Variants in AUTS2 observed in about 807,000 individuals in gnomAD.
AUTS2 encodes autism susceptibility gene 2 protein.
A neutral mutation model predicts 112.4 loss-of-function variants in AUTS2; 17 were observed. The observed-to-expected ratio is 0.15, with a 90% CI of 0.10 to 0.23. The LOEUF (loss-of-function observed/expected upper bound fraction) is 0.23, where lower values mean the gene tolerates loss of function less well. Ranked by LOEUF, AUTS2 falls within the 10% of genes least tolerant of loss-of-function variation. AUTS2 has a pLI of 1.00. For synonymous variants in AUTS2, 751 were observed against 702.7 expected (o/e 1.07, Z -1.09); for missense variants, 1,510 against 1,701.6 (o/e 0.89, Z 1.98).
intron 2 of AUTS2, among the ~76,000 whole-genome samples, chr7:70,051,278 G>C (rs944082211): frequency 6.6e-6 from 1 of 152,140 alleles, no homozygotes; most frequent in East Asian, 1.9e-4. Context: ...CTTTTTGAGT[G>C]CGTTTGTCTC....
intron 5 of AUTS2, among the ~76,000 whole-genome samples, chr7:70,608,679 A>G (rs1465221234): frequency 6.6e-6 from 1 of 152,002 alleles, no homozygotes; most frequent in Admixed American, 6.6e-5. Context: ...GGGATTGGGA[A>G]CCTCTGGCAT....
chr7:70,117,104 G>GTTTTGTTTTTT (rs1562710088), intron 2 of AUTS2, among the ~76,000 whole-genome samples: 1 of 78,440 alleles, frequency 1.3e-5, no homozygotes. Flanking sequence ...GATGACTTTT[G>GTTTTGTTTTTT]TTTTTTTTTT....
At chr7:69,954,075 T>C (rs1797127874) in intron 2 of AUTS2, among the ~76,000 whole-genome samples, 1 of 152,108 alleles carries the variant, frequency 6.6e-6, no homozygotes, top group Non-Finnish European at 1.5e-5. Context: ...AATTAAAGTA[T>C]TTACATATAT....
At chr7:69,990,222 A>T (rs764272384) in intron 2 of AUTS2, among the ~76,000 whole-genome samples, 1 of 152,196 alleles carries the variant, frequency 6.6e-6, no homozygotes, top group Non-Finnish European at 1.5e-5. Flanking sequence ...AAATGAGGTA[A>T]TTGGTAAAAA....
At chr7:70,564,279 C>G (rs1015836805) in intron 5 of AUTS2, among the ~76,000 whole-genome samples, 1 of 152,318 alleles carries the variant, frequency 6.6e-6, no homozygotes, top group Admixed American at 6.5e-5. Context: ...CAGACTGCCT[C>G]AATCTTCTCC....
Position 70,790,876 on chromosome 7 carries a change from T to G in AUTS2, c.3660T>G (p.Pro1220=). The stretch of plus-strand genomic sequence containing the variant: ...CTCCGACAGCAGCGCTGAGCGCACC[T>G]CCCCCGCTCATCTCCACGCTGGGGG... ...KTPPTAALSA[P]PPLISTLGGR... is the part of the protein sequence containing the mutation. The change falls in exon 19 of 19, where the codon CCT becomes CCG. Residue 1220 remains proline (P), a synonymous_variant. Coordinates refer to ENST00000342771, the MANE Select transcript of AUTS2 (RefSeq NM_015570.4). The surrounding 1 kb of genome is among the most constrained non-coding windows in gnomAD (Gnocchi z 7.6). The G allele has an allele frequency of 6.2e-7, 1 of 1,601,804 alleles. No homozygotes were observed. Among genetic ancestry groups the G allele is most frequent in the Non-Finnish European group, 8.5e-7 (1 of 1,173,902 alleles).
At chr7:70,036,507 C>A (rs1052939814) in intron 2 of AUTS2, among the ~76,000 whole-genome samples, 1 of 152,172 alleles carries the variant, frequency 6.6e-6, no homozygotes, top group East Asian at 1.9e-4. Flanking sequence ...ATAGGAGAAG[C>A]CTTGGTTTCC....
chr7:70,684,802 C>A (rs1808388501), intron 5 of AUTS2, among the ~76,000 whole-genome samples: 1 of 152,130 alleles, frequency 6.6e-6, no homozygotes, highest in Admixed American at 6.5e-5. Flanking sequence ...CTCCTGTATC[C>A]ATTTCCTTAT....
chr7:70,171,619 AGGTC>A (rs1808691703), intron 4 of AUTS2, among the ~76,000 whole-genome samples: 1 of 152,222 alleles, frequency 6.6e-6, no homozygotes, highest in African/African-American at 2.4e-5. Flanking sequence ...TATTTCCCTC[AGGTC>A]ACGGGCTTTA....
intron 4 of AUTS2, among the ~76,000 whole-genome samples, chr7:70,406,272 T>G (rs1045716731): frequency 6.6e-6 from 1 of 152,118 alleles, no homozygotes; most frequent in East Asian, 1.9e-4. Flanking sequence ...TCCCCCTGTT[T>G]CCCTGCAATG....
chr7:70,670,866 GC>G (rs1246500798), intron 5 of AUTS2, among the ~76,000 whole-genome samples: 1 of 152,178 alleles, frequency 6.6e-6, no homozygotes, highest in African/African-American at 2.4e-5. Context: ...CCCTGAAGGG[GC>G]CTTGGTAGGG....
chr7:69,905,718 C>T (rs1479399243), intron 2 of AUTS2, among the ~76,000 whole-genome samples: 1 of 152,166 alleles, frequency 6.6e-6, no homozygotes, highest in Non-Finnish European at 1.5e-5. Flanking sequence ...CCCTCACAAA[C>T]ACACCCAAAG....
At chr7:70,401,922 C>G (rs1794342393) in intron 4 of AUTS2, among the ~76,000 whole-genome samples, 1 of 152,218 alleles carries the variant, frequency 6.6e-6, no homozygotes, top group Admixed American at 6.5e-5. Context: ...GTCTTTTGAG[C>G]TGATGTACCA....
intron 5 of AUTS2, among the ~76,000 whole-genome samples, chr7:70,672,495 A>G (rs740166): frequency 0.43 from 65,588 of 152,056 alleles, 14,942 homozygotes; most frequent in African/African-American, 0.57. Context: ...TGCTAAGCTC[A>G]TAAACGTTAA....
intron 5 of AUTS2, among the ~76,000 whole-genome samples, chr7:70,444,086 G>T (rs1796221427): frequency 2.0e-5 from 3 of 152,176 alleles, no homozygotes; most frequent in African/African-American, 7.2e-5. Flanking sequence ...AAGTTGTAAA[G>T]CCAAGGAGGA....
At chr7:69,915,880 C>T (rs1180219588) in intron 2 of AUTS2, among the ~76,000 whole-genome samples, 1 of 152,182 alleles carries the variant, frequency 6.6e-6, no homozygotes. Flanking sequence ...GCGCACACCA[C>T]CACACCTAGC....
chr7:70,113,982 A>C (rs1470640879), intron 2 of AUTS2, among the ~76,000 whole-genome samples: 1 of 152,232 alleles, frequency 6.6e-6, no homozygotes, highest in East Asian at 1.9e-4. Flanking sequence ...ATGGGATCAC[A>C]ATTTCAGAAT....
At chr7:69,840,520 TGTGG>T (rs1196550503) in intron 1 of AUTS2, among the ~76,000 whole-genome samples, 2 of 152,176 alleles carry the variant, frequency 1.3e-5, no homozygotes, top group Non-Finnish European at 2.9e-5. Flanking sequence ...GTAATATATG[TGTGG>T]GTGGGATAAG....
chr7:70,362,462 C>T (rs796578190), intron 4 of AUTS2, among the ~76,000 whole-genome samples: 3 of 152,260 alleles, frequency 2.0e-5, no homozygotes, highest in African/African-American at 7.2e-5. Flanking sequence ...GTAGTGGGAT[C>T]TGGTTTTCAA....
Sources: allele counts gnomAD v4.1 joint callset (sites outside exome capture counted in the v4.1 genomes callset), GRCh38; gene constraint gnomAD v4.1.1; non-coding constraint Gnocchi (gnomAD v3.1); transcripts MANE v1.5; gene names NCBI Gene and HGNC (gene_info 2026-07-23, HGNC 2026-07-21).